VPS51: variants seen among roughly 807,000 people sequenced by gnomAD.
VPS51 encodes VPS51 subunit of GARP complex.
In VPS51, 55 loss-of-function variants were observed where a neutral mutation model predicts 65.1. The ratio of observed to expected loss-of-function variants is 0.84; its 90% confidence interval spans 0.68 to 1.06. The LOEUF (loss-of-function observed/expected upper bound fraction) is 1.06, where lower values mean the gene tolerates loss of function less well. Ranked by LOEUF, VPS51 falls within the 50% of genes least tolerant of loss-of-function variation. The pLI is 0.00. For missense variants in VPS51, 943 were observed against 1,101.6 expected (o/e 0.86, Z 2.04); for synonymous variants, 473 against 489.5 (o/e 0.97, Z 0.44).
In VPS51 at chr11:65,109,246, G is replaced by A. The variant is rs781588884; in HGVS notation, c.1444-34G>A. The A allele has an allele frequency of 2.5e-6, 4 of 1,595,182 alleles. No homozygotes were observed. The South Asian group carries it at 4.4e-5, about 18-fold the overall frequency. ...ATTAACAGCCTTACCTGGAAGAGGG[G>A]ACCTGCTGTGGACCTGGGCACCTTC... On this transcript the variant is annotated intron_variant, in intron 5 of 9. Transcript: ENST00000279281.
At chr11:65,105,678 C>G (rs1947837029) in intron 2 of VPS51, among the ~76,000 whole-genome samples, 1 of 152,224 alleles carries the variant, frequency 6.6e-6, no homozygotes, top group South Asian at 2.1e-4. Context: ...GCCTGCCTCC[C>G]TTCAGGCACT....
Position 65,107,515 on chromosome 11 carries a change from G to A in VPS51, c.359-66G>A. On this transcript the variant is annotated intron_variant, in intron 2 of 9. Coordinates refer to ENST00000279281, the MANE Select transcript of VPS51 (RefSeq NM_013265.4). The surrounding 1 kb of genome is among the most constrained non-coding windows in gnomAD (Gnocchi z 4.0). ...GCGTCTGTGAAGGGGTGGGTGAGAA[G>A]GAGCTGAGGTTGCGCCCGCCCTGCA... 3 of 1,526,640 alleles carry A rather than the reference G, an allele frequency of 2.0e-6. No homozygotes were observed. Among genetic ancestry groups the A allele is most frequent in the South Asian group, 1.3e-5 (1 of 78,604 alleles). 94.6% of individuals were successfully genotyped at this position (1,526,640 alleles called of 1,614,324 possible). A position where few individuals can be genotyped will look rare whatever the true frequency, so the allele number is the denominator to read the frequency against.
intron 2 of VPS51, among the ~76,000 whole-genome samples, chr11:65,106,371 C>A (rs1947841490): frequency 6.6e-6 from 1 of 152,166 alleles, no homozygotes; most frequent in African/African-American, 2.4e-5. Flanking sequence ...ACAATCATGG[C>A]AGAAGGTGAA....
intron 6 of VPS51, 64 bp from the exon 7 acceptor site, chr11:65,109,641 G>A: frequency 6.6e-7 from 1 of 1,516,412 alleles, no homozygotes; most frequent in Non-Finnish European, 8.9e-7. Context: ...GCTCCTGGTT[G>A]GCAGTGGCCC....
chr11:65,102,844 G>T (rs1947817997), intron 2 of VPS51, among the ~76,000 whole-genome samples: 1 of 152,092 alleles, frequency 6.6e-6, no homozygotes, highest in South Asian at 2.1e-4. Flanking sequence ...CTATGAATTG[G>T]CAAGAAAAAT....
At position 65,109,798 on chromosome 11, in the gene VPS51, C is replaced by A. The variant is rs370861729; in HGVS notation, c.1753C>A (p.Leu585Met). The A allele has an allele frequency of 6.2e-7, 1 of 1,608,440 alleles. No individual in the cohort carries two copies. The highest frequency in any genetic ancestry group is 8.5e-7 in the Non-Finnish European group (1 of 1,178,250). ...LLTHYVKVQG[L>M]VISQMLRKSV... The stretch of plus-strand genomic sequence containing the variant: ...GACCCACTACGTGAAGGTGCAGGGC[C>A]TGGTCATATCACAGATGCTGCGCAA... Residue 585 changes from leucine (L) to methionine (M), a missense_variant, in exon 7 of 10, where the codon CTG (leucine) becomes ATG (methionine). Physicochemically the swap from Leu to Met is conservative, Grantham distance 15 (BLOSUM62 2). Around this residue, in one of 2 missense-constraint regions of VPS51, gnomAD observed 855 missense variants for 953.7 expected, o/e 0.90. Coordinates refer to ENST00000279281, the MANE Select transcript of VPS51 (RefSeq NM_013265.4).
Position 65,111,649 on chromosome 11 carries a change from G to C in VPS51, c.*62G>C. 6.6e-7 allele frequency: 1 copy of C among 1,521,226 alleles called. No homozygotes were observed. Among genetic ancestry groups the C allele is most frequent in the South Asian group, 1.2e-5 (1 of 82,218 alleles). 94.2% of individuals were successfully genotyped at this position (1,521,226 alleles called of 1,614,324 possible). A position where few individuals can be genotyped will look rare whatever the true frequency, so the allele number is the denominator to read the frequency against. Reference sequence around the variant, plus strand: ...CCCATGGCACCCAGGATCTGGTCTCGGTGGTCCTTCCCCGCAGGCAGGTGT... The same window carrying C: ...CCCATGGCACCCAGGATCTGGTCTCCGTGGTCCTTCCCCGCAGGCAGGTGT... On this transcript the variant is annotated 3_prime_UTR_variant, in exon 10 of 10. Transcript: ENST00000279281.
At position 65,108,479 on chromosome 11, in the gene VPS51, G is replaced by C; in HGVS notation, c.1008G>C (p.Lys336Asn). 2 of 1,607,952 alleles carry C rather than the reference G, an allele frequency of 1.2e-6. No individual in the cohort carries two copies. The highest frequency in any genetic ancestry group is 1.7e-6 in the Non-Finnish European group (2 of 1,178,996). ...FAAQGPAGAE[K>N]LAAFARQLGS... The stretch of plus-strand genomic sequence containing the variant: ...CCCAGGGCCCAGCAGGTGCCGAGAA[G>C]CTGGCGGCCTTCGCCCGGCAGCTGG... The change falls in exon 5 of 10, where the codon AAG (lysine) becomes AAC (asparagine). Residue 336 changes from lysine (K) to asparagine (N), a missense_variant. Physicochemically the swap from Lys to Asn is moderately conservative, Grantham distance 94 (BLOSUM62 0). Around this residue, in one of 2 missense-constraint regions of VPS51, gnomAD observed 855 missense variants for 953.7 expected, o/e 0.90. Coordinates refer to ENST00000279281, the MANE Select transcript of VPS51 (RefSeq NM_013265.4).
intron 1 of VPS51, 65 bp from the exon 2 acceptor site, chr11:65,096,933 C>A: frequency 6.3e-7 from 1 of 1,598,260 alleles, no homozygotes; most frequent in Non-Finnish European, 8.5e-7. Context: ...AGCCTATCAG[C>A]TGCAGGCAAG....
At chr11:65,099,631 A>G (rs111513404) in intron 2 of VPS51, among the ~76,000 whole-genome samples, 4,780 of 147,182 alleles carry the variant, frequency 0.032, 122 homozygotes, top group Non-Finnish European at 0.038. Context: ...CGATATCTAG[A>G]AAAAAAAAAA....
intron 6 of VPS51, 21 bp downstream of exon 6, chr11:65,109,516 C>A: frequency 1.2e-6 from 2 of 1,602,734 alleles, no homozygotes; most frequent in Non-Finnish European, 1.7e-6. Flanking sequence ...AGCTCCTAGC[C>A]GGGCAGGGAA....
chr11:65,096,459 C>T lies in VPS51; in HGVS notation c.209C>T (p.Pro70Leu). Reference sequence around the variant, plus strand: ...GATCTGAACGGGGCGCACTTCGACCCGGAAGTTTACCTAGACAAGGTGTGT... The same window carrying T: ...GATCTGAACGGGGCGCACTTCGACCTGGAAGTTTACCTAGACAAGGTGTGT... ...PTDLNGAHFDPEVYLDKLRRE... is the reference protein window; with the variant it reads ...PTDLNGAHFDLEVYLDKLRRE... The change falls in exon 1 of 10, where the codon CCG becomes CTG. Residue 70 changes from proline to leucine, a missense_variant. Transcript: ENST00000279281. The T allele has an allele frequency of 1.4e-6, 2 of 1,405,026 alleles. No homozygotes were observed. Among genetic ancestry groups the T allele is most frequent in the South Asian group, 1.3e-5 (1 of 76,406 alleles). The allele number at this position is 1,405,026 out of a possible 1,614,324, so 87.0% of individuals were successfully genotyped here.
At chr11:65,110,933 G>C in intron 9 of VPS51, 152 bp downstream of exon 9, 1 of 875,038 alleles carries the variant, frequency 1.1e-6, no homozygotes. Flanking sequence ...TTTTTAGGTA[G>C]TACAGAGTGC....
Position 65,107,784 on chromosome 11 carries a change from G to A in VPS51, c.506-19G>A. On this transcript the variant is annotated intron_variant, in intron 3 of 9. Coordinates refer to ENST00000279281, the MANE Select transcript of VPS51 (RefSeq NM_013265.4). This position sits in a 1 kb window ranked among gnomAD's most constrained non-coding sequence, Gnocchi z 4.0. ...CCTTTCCTGGGGCTCTGGGGCTAAC[G>A]TCACCCTCCGTCCCCCAGGGGTCCA... The A allele has an allele frequency of 1.9e-6, 3 of 1,598,910 alleles. No homozygotes were observed. The highest frequency in any genetic ancestry group is 8.5e-7 in the Non-Finnish European group (1 of 1,174,190).
intron 2 of VPS51, among the ~76,000 whole-genome samples, chr11:65,101,745 A>G (rs1195982057): frequency 4.5e-5 from 6 of 132,880 alleles, no homozygotes; most frequent in African/African-American, 1.7e-4. Flanking sequence ...CCTGGGTGAC[A>G]GAGCCAGACC....
chr11:65,110,265 G>A, intron 7 of VPS51: 1 of 785,178 alleles, frequency 1.3e-6, no homozygotes, highest in Non-Finnish European at 2.0e-6. Context: ...TGCTGGTGCT[G>A]AAGATTAGAC....
intron 2 of VPS51, among the ~76,000 whole-genome samples, chr11:65,102,612 A>G (rs1380617686): frequency 2.0e-5 from 3 of 152,118 alleles, no homozygotes; most frequent in East Asian, 3.9e-4. Flanking sequence ...TGCTCTTTTC[A>G]TGGTAGCTTT....
chr11:65,111,013 T>A, intron 9 of VPS51: 2 of 662,582 alleles, frequency 3.0e-6, no homozygotes, highest in East Asian at 5.4e-5. Context: ...GGTGCTGACC[T>A]GGGATTACTG....
chr11:65,103,475 T>TA (rs1302979430), intron 2 of VPS51, among the ~76,000 whole-genome samples: 9 of 152,218 alleles, frequency 5.9e-5, no homozygotes, highest in African/African-American at 1.9e-4. Context: ...TGTAATTTTT[T>TA]AAAAAATCCC....
Sources: gnomAD v4.1 joint callset for allele counts (sites outside exome capture counted in the v4.1 genomes callset) on GRCh38, gnomAD v4.1.1 for gene constraint, gnomAD v4.1.1 regional missense constraint, Gnocchi (gnomAD v3.1) non-coding constraint, MANE v1.5 for transcripts, NCBI Gene and HGNC (gene_info 2026-07-23, HGNC 2026-07-21) for gene names.